The following OR9G4 variants were observed in gnomAD, a reference collection of about 807,000 sequenced individuals.
OR9G4 encodes the protein olfactory receptor family 9 subfamily G member 4, also known as olfactory receptor 9G4.
Under a neutral mutation model 16.7 loss-of-function variants are expected in OR9G4, and 19 were observed. That is an observed-to-expected ratio of 1.14 (90% confidence interval 0.79 to 1.67). The LOEUF (loss-of-function observed/expected upper bound fraction) is 1.67, where lower values mean the gene tolerates loss of function less well. Among genes scored for constraint, OR9G4 ranks in the 40% most tolerant of loss-of-function variants. The pLI, the probability that OR9G4 is intolerant of heterozygous loss-of-function variation, is 0.00. For synonymous variants in OR9G4, 182 were observed against 146.2 expected (o/e 1.24, Z -1.76); for missense variants, 428 against 370.4 (o/e 1.16, Z -1.28).
intron 1 of OR9G4, 177 bp from the exon 2 acceptor site, chr11:56,743,965 A>C (rs1357926154): frequency 2.5e-5 from 16 of 651,400 alleles, no homozygotes; most frequent in Non-Finnish European, 4.1e-5. Context: ...GTCAAAAATA[A>C]TTTGAAAATT....
chr11:56,742,915 C>A lies in OR9G4; in HGVS notation c.852G>T (p.Leu284=). ...AALFYTVINP[L]LNPLIYSLRN... is the part of the protein sequence containing the mutation. ...TCAGGCTATAGATGAGAGGGTTGAG[C>A]AGTGGGTTGATCACGGTGTAGAACA... The change falls in exon 2 of 2, where the codon CTG becomes CTT. Residue 284 remains leucine, a synonymous_variant. Transcript: ENST00000641668. The A allele has an allele frequency of 6.2e-7, 1 of 1,614,042 alleles. No individual in the cohort carries two copies. Among genetic ancestry groups the A allele is most frequent in the Non-Finnish European group, 8.5e-7 (1 of 1,179,970 alleles).
At chr11:56,745,764 G>A (rs1403415836) in intron 1 of OR9G4, among the ~76,000 whole-genome samples, 7 of 139,068 alleles carry the variant, frequency 5.0e-5, no homozygotes, top group African/African-American at 1.6e-4. Flanking sequence ...AGAGAGATAC[G>A]CTGTCTCAAA....
Position 56,743,531 on chromosome 11 carries a change from G to A in OR9G4, c.236C>T (p.Pro79Leu), listed in dbSNP as rs759808512. ...TGAGACACAACTGGCCAGGATTTTGGGGGTATACACAGAGGTATACCAGAA... is the reference window on the plus strand; with the variant it reads ...TGAGACACAACTGGCCAGGATTTTGAGGGTATACACAGAGGTATACCAGAA... ...LDFWYTSVYT[P>L]KILASCVSED... Residue 79 changes from proline to leucine, a missense_variant, in exon 2 of 2, where the codon CCC (proline) becomes CTC (leucine). By Grantham distance (98) the Pro-to-Leu change is moderately conservative. Transcript: ENST00000641668. 1.9e-6 allele frequency: 3 copies of A among 1,614,068 alleles called. No homozygotes were observed. Among genetic ancestry groups the A allele is most frequent in the South Asian group, 2.2e-5 (2 of 91,076 alleles).
chr11:56,742,732 TATTGAACTTA>T lies in OR9G4; in HGVS notation c.*86_*95del, dbSNP rs2135057282. Reference sequence around the variant, plus strand: ...ATATTTTAATGTTTTAAATATGACTTATTGAACTTAATTGAACTACAGAAATGCAAATGAA... The same window carrying T: ...ATATTTTAATGTTTTAAATATGACTTATTGAACTACAGAAATGCAAATGAA... On this transcript the variant is annotated 3_prime_UTR_variant, in exon 2 of 2. Transcript: ENST00000641668. 2 of 1,048,800 alleles carry T rather than the reference TATTGAACTTA, an allele frequency of 1.9e-6. No homozygotes were observed. Among genetic ancestry groups the T allele is most frequent in the South Asian group, 1.5e-5 (1 of 64,630 alleles). The allele number at this position is 1,048,800 out of a possible 1,614,324, so 65.0% of individuals were successfully genotyped here. A position where few individuals can be genotyped will look rare whatever the true frequency, so the allele number is the denominator to read the frequency against.
intron 1 of OR9G4, 99 bp from the exon 2 acceptor site, chr11:56,743,887 T>A (rs753390273): frequency 7.4e-7 from 1 of 1,344,438 alleles, no homozygotes; most frequent in Non-Finnish European, 1.0e-6. Context: ...AGCTTGTAGA[T>A]TTTTCTCCCT....
chr11:56,743,658 T>C lies in OR9G4; in HGVS notation c.109A>G (p.Ile37Val). 5 of 1,614,060 alleles carry C rather than the reference T, an allele frequency of 3.1e-6. No individual in the cohort carries two copies. The highest frequency in any genetic ancestry group is 4.2e-6 in the Non-Finnish European group (5 of 1,179,988). The change falls in exon 2 of 2, where the codon ATA becomes GTA. Residue 37 changes from isoleucine (I) to valine (V), a missense_variant. Transcript: ENST00000641668. ...LFGVFLMLYL[I>V]TLSGNMTLVI... ...AAGGTCATGTTTCCTGACAAGGTTA[T>C]CAAATAGAGCATCAGAAACACTCCA...
At position 56,743,205 on chromosome 11, in the gene OR9G4, A is replaced by G; in HGVS notation, c.562T>C (p.Ser188Pro). ...TCGTAGACCCTGGTGTTTGTACAGG[A>G]CATTTTTACCAATGGTGGTGCATCA... ...FCDAPPLVKM[S>P]CTNTRVYEKV... Residue 188 changes from serine to proline, a missense_variant, in exon 2 of 2, where the codon TCC becomes CCC. By Grantham distance (74) the Ser-to-Pro change is moderately conservative. Transcript: ENST00000641668. 6.2e-7 allele frequency: 1 copy of G among 1,614,146 alleles called. No individual in the cohort carries two copies. Among genetic ancestry groups the G allele is most frequent in the Non-Finnish European group, 8.5e-7 (1 of 1,180,008 alleles).
intron 1 of OR9G4, 61 bp from the exon 2 acceptor site, chr11:56,743,849 G>C: frequency 1.3e-6 from 2 of 1,546,734 alleles, no homozygotes; most frequent in East Asian, 4.5e-5. Context: ...GTTGACAAGG[G>C]TATCAATTAA....
Position 56,743,005 on chromosome 11 carries a change from T to A in OR9G4, c.762A>T (p.Ser254=). 4 of 1,614,054 alleles carry A rather than the reference T, an allele frequency of 2.5e-6. No individual in the cohort carries two copies. The highest frequency in any genetic ancestry group is 3.4e-6 in the Non-Finnish European group (4 of 1,179,962). Residue 254 remains serine (S), a synonymous_variant, in exon 2 of 2, where the codon TCA becomes TCT. Coordinates refer to ENST00000641668, the MANE Select transcript of OR9G4 (RefSeq NM_001005284.2). ...HLISVMLFYG[S]LLFMYSRPSS... is the part of the protein sequence containing the mutation. ...TAGGCCTTGAATACATAAACAACAA[T>A]GATCCATAGAAGAGCATGACTGAGA...
At position 56,741,250 on chromosome 11, in the gene OR9G4, T is replaced by A. The variant is rs555350309; in HGVS notation, c.*1578A>T. ...TTCTTTGTGTTTCGTTTGTTTGTTA[T>A]GATTTTGAGATCAGACTATAATATA... is the stretch of plus-strand genomic sequence containing the variant. On this transcript the variant is annotated 3_prime_UTR_variant, in exon 2 of 2. Transcript: ENST00000641668. The A allele has an allele frequency of 1.8e-3, 594 of 332,874 alleles. 5 individuals are homozygous for A. In the Middle Eastern group the frequency reaches 0.028, roughly 16 times the overall value. 20.6% of individuals were successfully genotyped at this position (332,874 alleles called of 1,614,324 possible).
chr11:56,743,119 A>C lies in OR9G4; in HGVS notation c.648T>G (p.Ile216Met), dbSNP rs749711114. ...TAGCCAGGAGGATGTTGACATAGGA[A>C]ATCAGGATAGCAAGAATGCTGGAGA... ...TVLSSILAIL[I>M]SYVNILLAIL... is the part of the protein sequence containing the mutation. The change falls in exon 2 of 2, where the codon ATT (isoleucine) becomes ATG (methionine). Residue 216 changes from isoleucine to methionine, a missense_variant. By Grantham distance (10) the Ile-to-Met change is conservative. Coordinates refer to ENST00000641668, the MANE Select transcript of OR9G4 (RefSeq NM_001005284.2). 1 of 1,614,126 alleles carries C rather than the reference A, an allele frequency of 6.2e-7. No individual in the cohort carries two copies. The highest frequency in any genetic ancestry group is 1.1e-5 in the South Asian group (1 of 91,080).
chr11:56,743,821 T>A (rs1286484358), intron 1 of OR9G4, 33 bp from the exon 2 acceptor site: 1 of 1,597,438 alleles, frequency 6.3e-7, no homozygotes, highest in South Asian at 1.1e-5. Context: ...TCACTTAGTG[T>A]TTTTTCTATT....
Position 56,742,128 on chromosome 11 carries a change from T to G in OR9G4, c.*700A>C, listed in dbSNP as rs1249350099. On this transcript the variant is annotated 3_prime_UTR_variant, in exon 2 of 2. Transcript: ENST00000641668. ...TGTTCATTTGTTTTATTTCGTTTGA[T>G]GTTGTCACATCGCTGTGTGACCTGA... The G allele has an allele frequency of 6.6e-6, 1 of 152,310 alleles. No individual in the cohort carries two copies. The highest frequency in any genetic ancestry group is 1.5e-5 in the Non-Finnish European group (1 of 68,100). 9.4% of individuals were successfully genotyped at this position (152,310 alleles called of 1,614,324 possible).
intron 1 of OR9G4, among the ~76,000 whole-genome samples, chr11:56,747,119 G>T (rs960616804): frequency 1.3e-4 from 20 of 151,692 alleles, no homozygotes; most frequent in Admixed American, 6.6e-5. Flanking sequence ...CCTTCCTTCT[G>T]CCCTAGCCTC....
chr11:56,744,938 C>T (rs763472850), intron 1 of OR9G4, among the ~76,000 whole-genome samples: 65 of 152,140 alleles, frequency 4.3e-4, no homozygotes, highest in Admixed American at 9.8e-4. Flanking sequence ...CAGAATTGCC[C>T]AAGTGATATG....
At chr11:56,745,840 G>C (rs899853781) in intron 1 of OR9G4, among the ~76,000 whole-genome samples, 1 of 151,740 alleles carries the variant, frequency 6.6e-6, no homozygotes, top group African/African-American at 2.4e-5. Flanking sequence ...TTGCAATACA[G>C]TGTGGCAGAG....
Position 56,742,743 on chromosome 11 carries a change from A to C in OR9G4, c.*85T>G, listed in dbSNP as rs1858320479. On this transcript the variant is annotated 3_prime_UTR_variant, in exon 2 of 2. Transcript: ENST00000641668. ...TTTTAAATATGACTTATTGAACTTA[A>C]TTGAACTACAGAAATGCAAATGAAC... is the stretch of plus-strand genomic sequence containing the variant. The C allele has an allele frequency of 1.7e-6, 2 of 1,201,330 alleles. No individual in the cohort carries two copies. The highest frequency in any genetic ancestry group is 3.1e-5 in the African/African-American group (2 of 65,484). The allele number at this position is 1,201,330 out of a possible 1,614,324, so 74.4% of individuals were successfully genotyped here.
chr11:56,742,970 T>C lies in OR9G4; in HGVS notation c.797A>G (p.Tyr266Cys), dbSNP rs751800681. 6.2e-7 allele frequency: 1 copy of C among 1,613,950 alleles called. No individual in the cohort carries two copies. The change falls in exon 2 of 2, where the codon TAC (tyrosine) becomes TGC (cysteine). Residue 266 changes from tyrosine (Y) to cysteine (C), a missense_variant. Transcript: ENST00000641668. The part of the protein sequence containing the change: ...LFMYSRPSST[Y>C]SLERDKVAAL... Reference sequence around the variant, plus strand: ...AGCTACTTTGTCCCTCTCTAGGGAGTAGGTGGAACTAGGCCTTGAATACAT... The same window carrying C: ...AGCTACTTTGTCCCTCTCTAGGGAGCAGGTGGAACTAGGCCTTGAATACAT...
In OR9G4 at chr11:56,743,273, C is replaced by A. The variant is rs759952299; in HGVS notation, c.494G>T (p.Arg165Leu). 4 of 1,613,990 alleles carry A rather than the reference C, an allele frequency of 2.5e-6. No homozygotes were observed. The highest frequency in any genetic ancestry group is 1.7e-6 in the Non-Finnish European group (2 of 1,180,002). Reference sequence around the variant, plus strand: ...GATATTTTTACCACAAAAATGCAGGCGGAATGTATTGGCAGTATGGGCTAT... The same window carrying A: ...GATATTTTTACCACAAAAATGCAGGAGGAATGTATTGGCAGTATGGGCTAT... Reference protein sequence around the residue: ...NAIAHTANTFRLHFCGKNIID... With the variant: ...NAIAHTANTFLLHFCGKNIID... The change falls in exon 2 of 2, where the codon CGC (arginine) becomes CTC (leucine). Residue 165 changes from arginine to leucine, a missense_variant. Coordinates refer to ENST00000641668, the MANE Select transcript of OR9G4 (RefSeq NM_001005284.2).
Sources: allele counts gnomAD v4.1 joint callset (sites outside exome capture counted in the v4.1 genomes callset), GRCh38; gene constraint gnomAD v4.1.1; transcripts MANE v1.5; gene names NCBI Gene and HGNC (gene_info 2026-07-23, HGNC 2026-07-21).